Variants in PRKCB observed in about 807,000 individuals in gnomAD.
The protein encoded by PRKCB is protein kinase C beta, also known as protein kinase C beta type.
PRKCB carries 13 observed loss-of-function variants against 81.5 expected under a neutral mutation model. The observed-to-expected ratio is 0.16, with a 90% CI of 0.10 to 0.25. The LOEUF is 0.25. PRKCB is among the 10% of genes least tolerant of loss of function. The pLI, the probability that PRKCB is intolerant of heterozygous loss-of-function variation, is 1.00. For missense variants in PRKCB, 509 were observed against 875.7 expected (o/e 0.58, Z 5.29); for synonymous variants, 335 against 321.4 (o/e 1.04, Z -0.45).
At chr16:23,954,218 G>C (rs1358416483) in intron 2 of PRKCB, among the ~76,000 whole-genome samples, 1 of 151,942 alleles carries the variant, frequency 6.6e-6, no homozygotes, top group Non-Finnish European at 1.5e-5. Flanking sequence ...CAAAGTGCTG[G>C]GATTACAGGC....
chr16:23,997,863 G>A (rs1012976653), intron 3 of PRKCB, among the ~76,000 whole-genome samples: 11 of 152,160 alleles, frequency 7.2e-5, no homozygotes, highest in African/African-American at 2.7e-4. Flanking sequence ...ATTTAAGAAG[G>A]TGTGTATGGA....
chr16:23,875,530 T>C (rs1215438826), intron 2 of PRKCB, among the ~76,000 whole-genome samples: 4 of 134,286 alleles, frequency 3.0e-5, no homozygotes, highest in African/African-American at 1.1e-4. Context: ...CACATATGTG[T>C]ATATCACACA....
chr16:23,848,552 G>A (rs1048419907), intron 2 of PRKCB, among the ~76,000 whole-genome samples: 4 of 152,090 alleles, frequency 2.6e-5, no homozygotes, highest in African/African-American at 7.2e-5. Context: ...ATCCTTAGAC[G>A]CGGAGGGCCG....
chr16:24,021,122 T>C (rs2141845683), intron 3 of PRKCB, among the ~76,000 whole-genome samples: 1 of 147,272 alleles, frequency 6.8e-6, no homozygotes, highest in East Asian at 2.0e-4. Flanking sequence ...TCTCTCTTTC[T>C]TTCTTTCCTT....
chr16:24,087,893 C>A lies in PRKCB; in HGVS notation c.530-4898C>A, dbSNP rs531920961. 8.5e-5 allele frequency among the ~76,000 whole-genome samples: 13 copies of A among 152,294 alleles called. No individual in the cohort carries two copies. The South Asian group carries it at 2.7e-3, about 32-fold the overall frequency. ...GGCAGACCTCACCCTGCACCCAGAGCCCCATGCCCACGGCAAGCAGTGTTC... is the reference window on the plus strand; with the variant it reads ...GGCAGACCTCACCCTGCACCCAGAGACCCATGCCCACGGCAAGCAGTGTTC... On this transcript the variant is annotated intron_variant, in intron 5 of 16. Coordinates refer to ENST00000643927, the MANE Select transcript of PRKCB (RefSeq NM_002738.7).
intron 2 of PRKCB, among the ~76,000 whole-genome samples, chr16:23,976,662 T>C (rs1964631596): frequency 6.6e-6 from 1 of 152,196 alleles, no homozygotes; most frequent in Non-Finnish European, 1.5e-5. Flanking sequence ...GTCTGAGCAA[T>C]CTGCTGCTGG....
chr16:23,899,716 T>C, intron 2 of PRKCB, among the ~76,000 whole-genome samples: 1 of 79,524 alleles, frequency 1.3e-5, no homozygotes, highest in Non-Finnish European at 3.1e-5. Context: ...CATGGCTCAC[T>C]ATATTCAAAA....
At chr16:23,949,141 A>G (rs1270106465) in intron 2 of PRKCB, among the ~76,000 whole-genome samples, 5 of 152,208 alleles carry the variant, frequency 3.3e-5, no homozygotes, top group African/African-American at 1.2e-4. Context: ...ACTCTTCCGG[A>G]GTCTGTAGGT....
intron 8 of PRKCB, among the ~76,000 whole-genome samples, chr16:24,114,462 AT>A (rs762420736): frequency 2.1e-4 from 32 of 152,040 alleles, no homozygotes; most frequent in Non-Finnish European, 4.1e-4. Flanking sequence ...GTTTTATCAA[AT>A]GGAAAGCCCT....
At chr16:23,989,570 T>C (rs1263490642) in intron 3 of PRKCB, among the ~76,000 whole-genome samples, 4 of 152,194 alleles carry the variant, frequency 2.6e-5, no homozygotes. Flanking sequence ...ATGTATCTAG[T>C]AGTGGTTTTG....
At position 24,065,073 on chromosome 16, in the gene PRKCB, T is replaced by A. The variant is rs1032244090; in HGVS notation, c.530-27718T>A. The stretch of plus-strand genomic sequence containing the variant: ...TAAAATAATATAAATATATATATAT[T>A]TTTCCCCCTTTTCCCTTTCAGTCTT... On this transcript the variant is annotated intron_variant, in intron 5 of 16. Coordinates refer to ENST00000643927, the MANE Select transcript of PRKCB (RefSeq NM_002738.7). 2.7e-5 allele frequency among the ~76,000 whole-genome samples: 4 copies of A among 146,326 alleles called. No individual in the cohort carries two copies. In the East Asian group the frequency reaches 5.8e-4, roughly 21 times the overall value.
At chr16:23,988,051 C>T (rs1964825063) in intron 2 of PRKCB, among the ~76,000 whole-genome samples, 1 of 152,172 alleles carries the variant, frequency 6.6e-6, no homozygotes, top group African/African-American at 2.4e-5. Context: ...ACCATCCTGT[C>T]CCCTCTGTTT....
At chr16:23,961,997 T>C (rs574094506) in intron 2 of PRKCB, among the ~76,000 whole-genome samples, 8 of 152,276 alleles carry the variant, frequency 5.3e-5, no homozygotes, top group African/African-American at 1.9e-4. Flanking sequence ...CAAAGTGCTG[T>C]CACATGAGGG....
chr16:24,048,409 A>G (rs1965793886), intron 5 of PRKCB, among the ~76,000 whole-genome samples: 1 of 152,162 alleles, frequency 6.6e-6, no homozygotes, highest in Non-Finnish European at 1.5e-5. Context: ...ACACCGTCTT[A>G]TCCTGGCACT....
At chr16:24,148,689 T>A (rs1293816002) in intron 9 of PRKCB, among the ~76,000 whole-genome samples, 1 of 152,214 alleles carries the variant, frequency 6.6e-6, no homozygotes, top group Non-Finnish European at 1.5e-5. Flanking sequence ...CCATTTTTGA[T>A]CATGTGGTTA....
chr16:24,044,557 A>G (rs1965742347), intron 5 of PRKCB, among the ~76,000 whole-genome samples: 1 of 152,230 alleles, frequency 6.6e-6, no homozygotes, highest in Non-Finnish European at 1.5e-5. Flanking sequence ...CTAAATAACT[A>G]AAAACAAAAC....
At chr16:23,838,858 C>T (rs1206135551) in intron 2 of PRKCB, among the ~76,000 whole-genome samples, 1 of 152,158 alleles carries the variant, frequency 6.6e-6, no homozygotes, top group Non-Finnish European at 1.5e-5. Flanking sequence ...TCCTCTGCAC[C>T]ACACCAGAGG....
chr16:23,914,887 A>G (rs1321615964), intron 2 of PRKCB, among the ~76,000 whole-genome samples: 1 of 152,172 alleles, frequency 6.6e-6, no homozygotes, highest in Non-Finnish European at 1.5e-5. Context: ...CTTGAAAACT[A>G]TTTAAGCAGA....
At chr16:23,853,480 C>G (rs112457533) in intron 2 of PRKCB, among the ~76,000 whole-genome samples, 8 of 152,284 alleles carry the variant, frequency 5.3e-5, no homozygotes, top group African/African-American at 1.9e-4. Context: ...AGGCAACCAA[C>G]GGAAGGGGGT....
Sources: allele counts gnomAD v4.1 joint callset (sites outside exome capture counted in the v4.1 genomes callset), GRCh38; gene constraint gnomAD v4.1.1; transcripts MANE v1.5; gene names NCBI Gene and HGNC (gene_info 2026-07-23, HGNC 2026-07-21).